The following DNAH11 variants were observed in gnomAD, a reference collection of about 807,000 sequenced individuals.
DNAH11 encodes axonemal beta dynein heavy chain 11.
DNAH11 carries 442 observed loss-of-function variants against 526.0 expected under a neutral mutation model. The ratio of observed to expected loss-of-function variants is 0.84; its 90% CI spans 0.78 to 0.91. The LOEUF (loss-of-function observed/expected upper bound fraction) is 0.91. DNAH11 is among the 40% of genes least tolerant of loss of function. DNAH11 has a pLI of 0.00. For missense variants in DNAH11, 6,989 were observed against 5,448.7 expected (o/e 1.28, Z -8.90); for synonymous variants, 2,461 against 1,935.9 (o/e 1.27, Z -7.12).
At chr7:21,546,306 GAATTT>G (rs1782803815) in intron 2 of DNAH11, among the ~76,000 whole-genome samples, 1 of 152,176 alleles carries the variant, frequency 6.6e-6, no homozygotes, top group African/African-American at 2.4e-5. Context: ...CGCTCCTGTT[GAATTT>G]AATTGGCTTT....
chr7:21,811,111 G>A (rs528460804), intron 63 of DNAH11, among the ~76,000 whole-genome samples: 25 of 152,150 alleles, frequency 1.6e-4, no homozygotes, highest in Non-Finnish European at 3.7e-4. Flanking sequence ...AAAAATGAAG[G>A]AAATTCTGGT....
At position 21,868,845 on chromosome 7, in the gene DNAH11, G is replaced by C; in HGVS notation, c.11840-19G>C. ...TCCTTCATAGACATTTCCTCTCACC[G>C]TGGTGTATTCTCCCACAGGCAAAAG... On this transcript the variant is annotated intron_variant, in intron 72 of 81. Coordinates refer to ENST00000409508, the MANE Select transcript of DNAH11 (RefSeq NM_001277115.2). The C allele has an allele frequency of 6.2e-7, 1 of 1,613,658 alleles. No individual in the cohort carries two copies. The highest frequency in any genetic ancestry group is 2.2e-5 in the East Asian group (1 of 44,862).
intron 54 of DNAH11, among the ~76,000 whole-genome samples, chr7:21,761,480 A>G (rs7796072): frequency 0.71 from 107,900 of 152,052 alleles, 39,212 homozygotes; most frequent in Non-Finnish European, 0.79. Context: ...CAAAAACATT[A>G]GAAAAGTCTA....
chr7:21,813,526 G>A (rs1789625093), intron 63 of DNAH11, among the ~76,000 whole-genome samples: 2 of 152,140 alleles, frequency 1.3e-5, no homozygotes, highest in South Asian at 4.1e-4. Context: ...GGAGAAACTG[G>A]CAGTATTACC....
At chr7:21,678,638 A>AACTCTGGGC (rs1783006692) in intron 30 of DNAH11, among the ~76,000 whole-genome samples, 1 of 152,104 alleles carries the variant, frequency 6.6e-6, no homozygotes, top group African/African-American at 2.4e-5. Flanking sequence ...GTCTACAGAG[A>AACTCTGGGC]ACTCTGGGCA....
chr7:21,832,708 C>A (rs1296703057), intron 65 of DNAH11, among the ~76,000 whole-genome samples: 4 of 152,162 alleles, frequency 2.6e-5, no homozygotes, highest in Non-Finnish European at 5.9e-5. Context: ...TACACTAGCA[C>A]CGTTAGCCAA....
intron 57 of DNAH11, among the ~76,000 whole-genome samples, chr7:21,780,741 C>T (rs1340351650): frequency 6.6e-6 from 1 of 152,118 alleles, no homozygotes; most frequent in East Asian, 1.9e-4. Flanking sequence ...CATACCAAGA[C>T]ATAAAAATAA....
At chr7:21,743,319 A>G (rs999719134) in intron 49 of DNAH11, among the ~76,000 whole-genome samples, 1 of 152,246 alleles carries the variant, frequency 6.6e-6, no homozygotes, top group Non-Finnish European at 1.5e-5. Flanking sequence ...CAACTTTTAA[A>G]TAGTTGGATC....
chr7:21,546,757 A>T (rs1782819543), intron 2 of DNAH11, among the ~76,000 whole-genome samples: 1 of 152,234 alleles, frequency 6.6e-6, no homozygotes, highest in South Asian at 2.1e-4. Context: ...GCTTACCAAG[A>T]CATAAAGAAA....
chr7:21,788,956 C>A (rs1788313428), intron 60 of DNAH11, among the ~76,000 whole-genome samples: 1 of 152,084 alleles, frequency 6.6e-6, no homozygotes, highest in African/African-American at 2.4e-5. Context: ...ATGTGGAAGG[C>A]TATGTGGATT....
At chr7:21,704,382 G>C (rs1273412332) in intron 37 of DNAH11, 52 bp from the exon 38 acceptor site, 2 of 1,519,668 alleles carry the variant, frequency 1.3e-6, no homozygotes, top group Non-Finnish European at 1.8e-6. Flanking sequence ...TAGTTTTTTA[G>C]GTGTTTGTTA....
chr7:21,630,683 A>G (rs531634113), intron 25 of DNAH11, among the ~76,000 whole-genome samples: 1 of 151,974 alleles, frequency 6.6e-6, no homozygotes, highest in Non-Finnish European at 1.5e-5. Flanking sequence ...TTCTGTTGAG[A>G]TGTCTCTTGT....
At chr7:21,685,845 C>T (rs1253846939) in intron 32 of DNAH11, among the ~76,000 whole-genome samples, 2 of 152,166 alleles carry the variant, frequency 1.3e-5, no homozygotes, top group Admixed American at 1.3e-4. Flanking sequence ...TCAAATATCT[C>T]CAAGGAAGTG....
At chr7:21,630,914 C>T (rs573778989) in intron 25 of DNAH11, among the ~76,000 whole-genome samples, 1 of 152,146 alleles carries the variant, frequency 6.6e-6, no homozygotes, top group Non-Finnish European at 1.5e-5. Flanking sequence ...ACAATCTTCA[C>T]TGCTTTTCAT....
chr7:21,719,583 T>G (rs954600744), intron 43 of DNAH11, among the ~76,000 whole-genome samples: 1 of 152,240 alleles, frequency 6.6e-6, no homozygotes, highest in Non-Finnish European at 1.5e-5. Context: ...AGTTTTACAC[T>G]GTTTTTCTTA....
At position 21,816,712 on chromosome 7, in the gene DNAH11, G is replaced by T. The variant is rs764686943; in HGVS notation, c.10568+10G>T. The T allele has an allele frequency of 1.2e-6, 2 of 1,610,210 alleles. No homozygotes were observed. The highest frequency in any genetic ancestry group is 3.3e-5 in the Admixed American group (2 of 59,810). On this transcript the variant is annotated intron_variant, in intron 64 of 81. Coordinates refer to ENST00000409508, the MANE Select transcript of DNAH11 (RefSeq NM_001277115.2). ...ATTTGGGCCAGAAAGGGTATGTGAA[G>T]TTTGAAGAGACTGGCTTTCTGTTTA...
Position 21,599,900 on chromosome 7 carries a change from A to G in DNAH11, c.2781A>G (p.Leu927=), listed in dbSNP as rs1038802191. The change falls in exon 15 of 82, where the codon TTA becomes TTG. Residue 927 remains leucine, a synonymous_variant. Transcript: ENST00000409508. ...TTTTTCAGGCTATAATGCACGACTTAGACTTCTTTCTGAAGAATACAGAGA... is the reference window on the plus strand; with the variant it reads ...TTTTTCAGGCTATAATGCACGACTTGGACTTCTTTCTGAAGAATACAGAGA... ...EGFFQAIMHD[L]DFFLKNTEKQ... 2.5e-6 allele frequency: 4 copies of G among 1,613,582 alleles called. No homozygotes were observed. In the African/African-American group the frequency reaches 5.3e-5, roughly 21 times the overall value.
intron 6 of DNAH11, among the ~76,000 whole-genome samples, chr7:21,569,061 C>G (rs889282102): frequency 1.3e-5 from 2 of 152,092 alleles, no homozygotes; most frequent in African/African-American, 2.4e-5. Context: ...GTTTTAGACA[C>G]TAAATGAATG....
At chr7:21,681,426 C>CA (rs376089385) in intron 30 of DNAH11, 120 bp from the exon 31 acceptor site, 43,619 of 805,326 alleles carry the variant, frequency 0.054, no homozygotes, top group East Asian at 0.06. Flanking sequence ...GACTCCATCT[C>CA]AAAAAAAAAA....
Sources: allele counts gnomAD v4.1 joint callset (sites outside exome capture counted in the v4.1 genomes callset), GRCh38; gene constraint gnomAD v4.1.1; transcripts MANE v1.5; gene names NCBI Gene and HGNC (gene_info 2026-07-23, HGNC 2026-07-21).